EXT1: variants seen among roughly 807,000 people sequenced by gnomAD.
The protein encoded by EXT1 is exostosin-1.
In EXT1, 20 loss-of-function variants were observed where a neutral mutation model predicts 82.5. The ratio of observed to expected loss-of-function variants is 0.24; its 90% CI spans 0.17 to 0.35. The LOEUF (loss-of-function observed/expected upper bound fraction) is 0.35, where lower values mean the gene tolerates loss of function less well. Ranked by LOEUF, EXT1 falls within the 10% of genes least tolerant of loss-of-function variation. EXT1 has a pLI of 1.00. For missense variants in EXT1, 757 were observed against 936.5 expected (o/e 0.81, Z 2.50); for synonymous variants, 348 against 350.8 (o/e 0.99, Z 0.09).
Position 118,110,815 on chromosome 8 carries a change from C to T in EXT1, c.232G>A (p.Val78Met), listed in dbSNP as rs763650236. ...CGCTTCTGCCGGGGGGAAATGTGCA[C>T]GCTGGAATCCTCGTTTTCCAATTGA... ...WDQLENEDSS[V>M]HISPRQKRDA... Residue 78 changes from valine to methionine, a missense_variant, in exon 1 of 11, where the codon GTG (valine) becomes ATG (methionine). Transcript: ENST00000378204. 4 of 1,612,638 alleles carry T rather than the reference C, an allele frequency of 2.5e-6. No homozygotes were observed. The highest frequency in any genetic ancestry group is 2.2e-5 in the South Asian group (2 of 91,056).
At chr8:117,820,971 G>A (rs1811913765) in intron 5 of EXT1, among the ~76,000 whole-genome samples, 1 of 152,198 alleles carries the variant, frequency 6.6e-6, no homozygotes, top group Non-Finnish European at 1.5e-5. Flanking sequence ...TGTCACCAAA[G>A]AGACAGAAGT....
At chr8:118,105,771 C>T (rs1489135747) in intron 1 of EXT1, among the ~76,000 whole-genome samples, 1 of 152,178 alleles carries the variant, frequency 6.6e-6, no homozygotes, top group Admixed American at 6.5e-5. Flanking sequence ...TCCCACCTTT[C>T]ATTTTGGAGA....
chr8:117,952,679 T>G (rs1814512723), intron 1 of EXT1, among the ~76,000 whole-genome samples: 1 of 152,078 alleles, frequency 6.6e-6, no homozygotes, highest in Non-Finnish European at 1.5e-5. Flanking sequence ...CAAGAATCGC[T>G]TGAACCAGGA....
intron 1 of EXT1, among the ~76,000 whole-genome samples, chr8:117,988,598 A>C (rs1230370067): frequency 6.6e-6 from 1 of 152,156 alleles, no homozygotes; most frequent in Admixed American, 6.5e-5. Context: ...AGAGAGGAAA[A>C]CAGTGCAGGC....
chr8:117,897,206 C>G (rs896818084), intron 1 of EXT1, among the ~76,000 whole-genome samples: 1 of 152,196 alleles, frequency 6.6e-6, no homozygotes, highest in African/African-American at 2.4e-5. Context: ...CCCCTGTAAC[C>G]TAGAGCTTGT....
At chr8:117,954,603 T>C (rs1267244636) in intron 1 of EXT1, among the ~76,000 whole-genome samples, 1 of 152,224 alleles carries the variant, frequency 6.6e-6, no homozygotes, top group Admixed American at 6.5e-5. Context: ...AGCCTATATT[T>C]GGAGTCTTAT....
chr8:117,990,705 T>C (rs1448328677), intron 1 of EXT1, among the ~76,000 whole-genome samples: 1 of 152,252 alleles, frequency 6.6e-6, no homozygotes, highest in Non-Finnish European at 1.5e-5. Flanking sequence ...CTTGCTTGCA[T>C]TTGGCAGGAT....
chr8:117,975,275 G>A (rs1320518696), intron 1 of EXT1, among the ~76,000 whole-genome samples: 1 of 152,170 alleles, frequency 6.6e-6, no homozygotes, highest in East Asian at 1.9e-4. Context: ...AGTATCAAGA[G>A]TGATTTTCTG....
intron 1 of EXT1, among the ~76,000 whole-genome samples, chr8:118,106,108 G>A (rs1310059565): frequency 6.6e-6 from 1 of 152,200 alleles, no homozygotes; most frequent in Non-Finnish European, 1.5e-5. Flanking sequence ...GATGCCCTCA[G>A]CGGGAGGTGT....
chr8:118,043,883 A>C (rs1586360850), intron 1 of EXT1, among the ~76,000 whole-genome samples: 1 of 152,224 alleles, frequency 6.6e-6, no homozygotes, highest in East Asian at 1.9e-4. Context: ...AATGAAACAA[A>C]ATTTCCAAGA....
At chr8:118,078,971 A>C (rs919361158) in intron 1 of EXT1, among the ~76,000 whole-genome samples, 42 of 152,256 alleles carry the variant, frequency 2.8e-4, no homozygotes, top group African/African-American at 9.2e-4. Context: ...TTCCATTAAA[A>C]GAGAAGTTAT....
chr8:117,980,720 T>TTG (rs1563619846), intron 1 of EXT1, among the ~76,000 whole-genome samples: 1 of 124,540 alleles, frequency 8.0e-6, no homozygotes, highest in Non-Finnish European at 1.7e-5. Flanking sequence ...TTTTTTTTTT[T>TTG]TTTTTTTTTT....
intron 1 of EXT1, among the ~76,000 whole-genome samples, chr8:117,882,439 T>C (rs994987490): frequency 6.6e-6 from 1 of 152,108 alleles, no homozygotes; most frequent in Non-Finnish European, 1.5e-5. Context: ...GGTTGAGAGG[T>C]GTCTAGCAGT....
chr8:117,960,640 G>T (rs1222693581), intron 1 of EXT1, among the ~76,000 whole-genome samples: 2 of 152,192 alleles, frequency 1.3e-5, no homozygotes, highest in African/African-American at 2.4e-5. Flanking sequence ...AGAGAAAAAT[G>T]TTGTAATCAG....
At chr8:117,887,754 C>A (rs1464244807) in intron 1 of EXT1, among the ~76,000 whole-genome samples, 1 of 152,026 alleles carries the variant, frequency 6.6e-6, no homozygotes, top group African/African-American at 2.4e-5. Flanking sequence ...TATCAAGAAA[C>A]TGATAAAATA....
chr8:118,058,882 A>G (rs1273692672), intron 1 of EXT1, among the ~76,000 whole-genome samples: 1 of 152,200 alleles, frequency 6.6e-6, no homozygotes, highest in African/African-American at 2.4e-5. Flanking sequence ...ATTTACATGG[A>G]CTGGACCCAA....
intron 1 of EXT1, among the ~76,000 whole-genome samples, chr8:117,926,796 C>T (rs1326441119): frequency 1.3e-5 from 2 of 152,144 alleles, no homozygotes; most frequent in Non-Finnish European, 2.9e-5. Flanking sequence ...TGTTTATTTA[C>T]CTTCTATTTG....
At chr8:117,821,206 G>C (rs1300926110) in intron 5 of EXT1, among the ~76,000 whole-genome samples, 1 of 152,230 alleles carries the variant, frequency 6.6e-6, no homozygotes, top group Non-Finnish European at 1.5e-5. Flanking sequence ...CAAAGGTTTT[G>C]TAGAGAAAAT....
At chr8:117,912,924 G>A (rs1360434416) in intron 1 of EXT1, among the ~76,000 whole-genome samples, 2 of 152,126 alleles carry the variant, frequency 1.3e-5, no homozygotes, top group African/African-American at 4.8e-5. Flanking sequence ...TGGGACAACT[G>A]AGCATTTCTT....
Sources: allele counts gnomAD v4.1 joint callset (sites outside exome capture counted in the v4.1 genomes callset), GRCh38; gene constraint gnomAD v4.1.1; transcripts MANE v1.5; gene names NCBI Gene and HGNC (gene_info 2026-07-23, HGNC 2026-07-21).